The following GASK1A variants were observed in gnomAD, a reference collection of about 807,000 sequenced individuals.
GASK1A encodes the protein Golgi-associated kinase 1A.
A neutral mutation model predicts 41.2 loss-of-function variants in GASK1A; 40 were observed. The observed-to-expected ratio is 0.97, with a 90% CI of 0.75 to 1.27. The LOEUF (loss-of-function observed/expected upper bound fraction) is 1.27, where lower values mean the gene tolerates loss of function less well. Among genes scored for constraint, GASK1A ranks in the 50% most tolerant of loss-of-function variants. The pLI is 0.00. For synonymous variants in GASK1A, 316 were observed against 307.1 expected, an observed-to-expected ratio of 1.03 and a Z score of -0.30; for missense variants, 678 against 745.1, an observed-to-expected ratio of 0.91 and a Z score of 1.05.
intron 1 of GASK1A, among the ~76,000 whole-genome samples, chr3:43,016,554 C>T (rs903221947): frequency 6.6e-6 from 1 of 151,380 alleles, no homozygotes; most frequent in Non-Finnish European, 1.5e-5. Context: ...TGTGAAGCCA[C>T]TGGAAGGGGC....
rs76618049 is a variant in GASK1A at position 43,052,470 on chromosome 3, C to T, written c.1291-1051C>T. Among the ~76,000 whole-genome samples the T allele has an allele frequency of 2.4e-3, 359 of 152,306 alleles. 1 individual carries two copies. Among genetic ancestry groups the T allele is most frequent in the African/African-American group, 8.4e-3 (349 of 41,570 alleles). On this transcript the variant is annotated intron_variant, in intron 2 of 4. Transcript: ENST00000430121. ...CCCTCACCCAGACCTCCAGGGATTT[C>T]ACCTTCTACCCTAGGCATTCATTGA...
chr3:43,033,106 C>T lies in GASK1A; in HGVS notation c.843C>T (p.Ala281=), dbSNP rs1316786135. Residue 281 remains alanine (A), a synonymous_variant, in exon 2 of 5, where the codon GCC becomes GCT. Transcript: ENST00000430121. ...CACAGGGGGAGGTGGTGGACAAAGCCAGGGTCCCCGCCCATGGGCAGGTGC... is the reference window on the plus strand; with the variant it reads ...CACAGGGGGAGGTGGTGGACAAAGCTAGGGTCCCCGCCCATGGGCAGGTGC... ...LLAQGEVVDK[A]RVPAHGQVLQ... is the part of the protein sequence containing the mutation. The T allele has an allele frequency of 1.9e-6, 3 of 1,551,710 alleles. No individual in the cohort carries two copies. Among genetic ancestry groups the T allele is most frequent in the Admixed American group, 2.0e-5 (1 of 51,016 alleles).
chr3:42,990,068 C>CT, intron 1 of GASK1A, among the ~76,000 whole-genome samples: 1 of 151,888 alleles, frequency 6.6e-6, no homozygotes. Context: ...GTGGCTCATG[C>CT]TTGTAATTCC....
At chr3:43,030,874 G>C (rs1442982588) in intron 1 of GASK1A, among the ~76,000 whole-genome samples, 1 of 152,160 alleles carries the variant, frequency 6.6e-6, no homozygotes, top group Admixed American at 6.5e-5. Flanking sequence ...GGGGGCTACT[G>C]AGGATGGACT....
At chr3:42,992,600 G>C (rs191837531) in intron 1 of GASK1A, among the ~76,000 whole-genome samples, 1 of 152,276 alleles carries the variant, frequency 6.6e-6, no homozygotes, top group Non-Finnish European at 1.5e-5. Context: ...GCTCCCCTCA[G>C]AAGGAGTTTG....
chr3:42,995,234 A>G (rs753269121), intron 1 of GASK1A, among the ~76,000 whole-genome samples: 18 of 152,208 alleles, frequency 1.2e-4, no homozygotes, highest in Non-Finnish European at 2.1e-4. Flanking sequence ...ATCTTCTATA[A>G]GAAAAACAAT....
intron 2 of GASK1A, chr3:43,037,351 A>G (rs879645355): frequency 8.7e-6 from 8 of 921,240 alleles, no homozygotes; most frequent in Non-Finnish European, 1.5e-5. Flanking sequence ...AATGACTCTA[A>G]AATGTGCAAT....
chr3:43,041,394 C>T (rs1375218044), intron 2 of GASK1A, among the ~76,000 whole-genome samples: 6 of 152,178 alleles, frequency 3.9e-5, no homozygotes, highest in Non-Finnish European at 5.9e-5. Context: ...CCGTTGTTTC[C>T]TGACTTTTTA....
At chr3:43,004,613 C>T (rs985628067) in intron 1 of GASK1A, among the ~76,000 whole-genome samples, 3 of 152,078 alleles carry the variant, frequency 2.0e-5, no homozygotes, top group Non-Finnish European at 2.9e-5. Flanking sequence ...CAGTTTTGAC[C>T]ATTATTTATT....
chr3:43,031,215 A>G (rs643663), intron 1 of GASK1A, among the ~76,000 whole-genome samples: 60,976 of 152,006 alleles, frequency 0.4, 12,716 homozygotes, highest in East Asian at 0.62. Context: ...ATTATGTACC[A>G]GGGCTCTGCC....
At chr3:43,018,104 C>G (rs1033749581) in intron 1 of GASK1A, among the ~76,000 whole-genome samples, 2 of 152,188 alleles carry the variant, frequency 1.3e-5, no homozygotes, top group African/African-American at 4.8e-5. Context: ...AATGAGACAG[C>G]AAAAATCGCA....
intron 1 of GASK1A, among the ~76,000 whole-genome samples, chr3:42,985,094 C>T (rs1284274913): frequency 6.8e-6 from 1 of 147,418 alleles, no homozygotes; most frequent in African/African-American, 2.4e-5. Flanking sequence ...GGTAGAGCTT[C>T]TAACTGCATT....
At chr3:42,979,784 A>G (rs1452976437) in intron 1 of GASK1A, 139 bp downstream of exon 1, 8 of 876,076 alleles carry the variant, frequency 9.1e-6, no homozygotes, top group Non-Finnish European at 1.2e-5. Flanking sequence ...CGAAAGTTGC[A>G]TGGGGCGGCG....
chr3:43,013,363 G>A (rs139206061), intron 1 of GASK1A, among the ~76,000 whole-genome samples: 1 of 151,978 alleles, frequency 6.6e-6, no homozygotes, highest in Non-Finnish European at 1.5e-5. Context: ...GGAAGGGGCC[G>A]TGTGAAACCA....
chr3:42,987,523 C>T (rs2089318267), intron 1 of GASK1A, among the ~76,000 whole-genome samples: 1 of 152,138 alleles, frequency 6.6e-6, no homozygotes, highest in Admixed American at 6.5e-5. Context: ...AGAGAAACCT[C>T]ATCATATCCC....
At chr3:43,043,280 C>G (rs528013641) in intron 2 of GASK1A, among the ~76,000 whole-genome samples, 1 of 152,302 alleles carries the variant, frequency 6.6e-6, no homozygotes, top group East Asian at 1.9e-4. Context: ...CTGGACTCTA[C>G]CAGACCCAGA....
intron 1 of GASK1A, among the ~76,000 whole-genome samples, chr3:43,015,882 G>A (rs967403330): frequency 2.0e-5 from 3 of 152,140 alleles, no homozygotes; most frequent in Middle Eastern, 3.4e-3. Flanking sequence ...CACAGGAAGA[G>A]GCAGTGTAAA....
chr3:43,055,562 G>T (rs1254765012), intron 4 of GASK1A, 27 bp downstream of exon 4: 1 of 1,506,942 alleles, frequency 6.6e-7, no homozygotes, highest in Non-Finnish European at 9.0e-7. Flanking sequence ...TTGGGTGGAA[G>T]TTCATGGGAC....
intron 3 of GASK1A, among the ~76,000 whole-genome samples, chr3:43,055,126 T>C (rs2089709681): frequency 6.6e-6 from 1 of 152,228 alleles, no homozygotes; most frequent in African/African-American, 2.4e-5. Flanking sequence ...GCCCAGCTAC[T>C]TACTAGCTGT....
Sources: gnomAD v4.1 joint callset for allele counts (sites outside exome capture counted in the v4.1 genomes callset) on GRCh38, gnomAD v4.1.1 for gene constraint, MANE v1.5 for transcripts, NCBI Gene and HGNC (gene_info 2026-07-23, HGNC 2026-07-21) for gene names.